Variants in ABCA9 observed in about 807,000 individuals in gnomAD.
ABCA9 encodes ATP binding cassette subfamily A member 9, also known as ATP-binding cassette sub-family A member 9.
A neutral mutation model predicts 205.3 loss-of-function variants in ABCA9; 183 were observed. The ratio of observed to expected loss-of-function variants is 0.89; its 90% CI spans 0.79 to 1.01. ABCA9 has a LOEUF of 1.01. ABCA9 is among the 50% of genes least tolerant of loss of function. The pLI, the probability that ABCA9 is intolerant of heterozygous loss-of-function variation, is 0.00. For synonymous variants in ABCA9, 651 were observed against 683.3 expected (o/e 0.95, Z 0.74); for missense variants, 1,805 against 1,912.4 (o/e 0.94, Z 1.05).
intron 9 of ABCA9, chr17:69,032,716 G>A (rs1317749306): frequency 6.5e-6 from 1 of 154,884 alleles, no homozygotes; most frequent in African/African-American, 2.4e-5. Context: ...TCTCCTGCTT[G>A]TGATTTCCTC....
At chr17:69,015,388 T>C (rs1481184018) in intron 22 of ABCA9, among the ~76,000 whole-genome samples, 4 of 152,092 alleles carry the variant, frequency 2.6e-5, no homozygotes, top group Admixed American at 2.0e-4. Context: ...CATAACAAGA[T>C]GAAAGAGGTG....
At chr17:68,993,982 TCTC>T (rs1480749574) in intron 26 of ABCA9, among the ~76,000 whole-genome samples, 1 of 152,094 alleles carries the variant, frequency 6.6e-6, no homozygotes, top group Non-Finnish European at 1.5e-5. Context: ...TTCAAGCAAT[TCTC>T]CTGCCTCAGC....
At chr17:69,045,051 A>C in intron 4 of ABCA9, 121 bp downstream of exon 4, 1 of 713,772 alleles carries the variant, frequency 1.4e-6, no homozygotes, top group Non-Finnish European at 2.2e-6. Context: ...TATGTTCAGA[A>C]ATTAAAGCTC....
chr17:68,997,838 C>T (rs2069684938), intron 25 of ABCA9, among the ~76,000 whole-genome samples: 1 of 152,094 alleles, frequency 6.6e-6, no homozygotes, highest in Non-Finnish European at 1.5e-5. Context: ...AGAGCTTACT[C>T]TTGTTGTTGG....
rs760092631 is a variant in ABCA9 at position 69,032,317 on chromosome 17, G to A, written c.1277-41C>T. On this transcript the variant is annotated intron_variant, in intron 9 of 38. Transcript: ENST00000340001. ...GCAATTGAATACTGGGTCAGTCATC[G>A]CTTCAAGGATTCCATCAGCATATCA... 21 of 1,578,552 alleles carry A rather than the reference G, an allele frequency of 1.3e-5. No individual in the cohort carries two copies. The East Asian group carries it at 1.8e-4, about 13-fold the overall frequency.
intron 37 of ABCA9, among the ~76,000 whole-genome samples, chr17:68,976,504 G>C (rs562568260): frequency 1.3e-5 from 2 of 152,304 alleles, no homozygotes; most frequent in African/African-American, 2.4e-5. Context: ...CTCTGTACCA[G>C]CCCTCATTCT....
intron 26 of ABCA9, 77 bp from the exon 27 acceptor site, chr17:68,993,161 T>A: frequency 8.2e-7 from 1 of 1,220,838 alleles, no homozygotes; most frequent in Non-Finnish European, 1.2e-6. Context: ...TAAGATAAAC[T>A]GATGCCTATT....
At chr17:69,018,805 G>A (rs182714828) in intron 19 of ABCA9, among the ~76,000 whole-genome samples, 195 of 152,008 alleles carry the variant, frequency 1.3e-3, no homozygotes, top group African/African-American at 4.4e-3. Context: ...CCTTGGCTTC[G>A]GGTTTATGAA....
intron 19 of ABCA9, among the ~76,000 whole-genome samples, chr17:69,019,032 C>T (rs1482649278): frequency 3.9e-5 from 6 of 152,062 alleles, no homozygotes; most frequent in African/African-American, 9.7e-5. Flanking sequence ...TCATTTTCCA[C>T]CCATTTCTCT....
At chr17:69,001,060 T>A (rs1390554002) in intron 25 of ABCA9, among the ~76,000 whole-genome samples, 2 of 152,144 alleles carry the variant, frequency 1.3e-5, no homozygotes, top group Non-Finnish European at 2.9e-5. Context: ...TCATGTCATC[T>A]GCAAACAGGG....
At chr17:69,020,108 A>G (rs1308072085) in intron 19 of ABCA9, 3 of 302,292 alleles carry the variant, frequency 9.9e-6, no homozygotes, top group African/African-American at 2.2e-5. Flanking sequence ...GATGGGACCT[A>G]AGTACTAATA....
chr17:69,060,412 TTTCC>T (rs2072204602), intron 1 of ABCA9, among the ~76,000 whole-genome samples: 1 of 152,198 alleles, frequency 6.6e-6, no homozygotes. Context: ...AATAAAAATC[TTTCC>T]TTAAGTTTTC....
intron 23 of ABCA9, among the ~76,000 whole-genome samples, chr17:69,010,019 T>G (rs1423800991): frequency 1.3e-5 from 2 of 152,124 alleles, no homozygotes; most frequent in African/African-American, 4.8e-5. Context: ...AATTCTGGCA[T>G]CCTAACAAAA....
intron 9 of ABCA9, chr17:69,032,535 A>T: frequency 3.2e-6 from 1 of 308,508 alleles, no homozygotes; most frequent in Non-Finnish European, 6.0e-6. Context: ...ATGCAGAGAG[A>T]TGTCTCAGGA....
intron 31 of ABCA9, among the ~76,000 whole-genome samples, chr17:68,987,989 C>A (rs1246367688): frequency 6.6e-6 from 1 of 152,122 alleles, no homozygotes; most frequent in East Asian, 1.9e-4. Flanking sequence ...GTCTCTAACT[C>A]CTGACCTCAG....
chr17:69,007,284 C>G (rs1301516734), intron 25 of ABCA9, among the ~76,000 whole-genome samples: 1 of 152,090 alleles, frequency 6.6e-6, no homozygotes, highest in African/African-American at 2.4e-5. Context: ...ACCTGTAATC[C>G]TAGCTACTCA....
chr17:69,067,431 C>T, the ABCA9 span, among the ~76,000 whole-genome samples: 2 of 151,430 alleles, frequency 1.3e-5, no homozygotes, highest in Non-Finnish European at 1.5e-5. Flanking sequence ...GCCTGCAGTT[C>T]CAGCTACTCT....
the ABCA9 span, among the ~76,000 whole-genome samples, chr17:69,074,670 G>A: frequency 6.6e-6 from 1 of 152,074 alleles, no homozygotes; most frequent in African/African-American, 2.4e-5. Context: ...GGGCATCTCG[G>A]TTGATTCCAT....
At chr17:69,057,501 AT>A (rs370905689) in intron 1 of ABCA9, among the ~76,000 whole-genome samples, 3 of 152,274 alleles carry the variant, frequency 2.0e-5, no homozygotes, top group East Asian at 3.9e-4. Context: ...TTTCTAAAAC[AT>A]GGGCCTAGGC....
Sources: gnomAD v4.1 joint callset for allele counts (sites outside exome capture counted in the v4.1 genomes callset) on GRCh38, gnomAD v4.1.1 for gene constraint, MANE v1.5 for transcripts, NCBI Gene and HGNC (gene_info 2026-07-23, HGNC 2026-07-21) for gene names.